DHX57: variants seen among roughly 807,000 people sequenced by gnomAD.
DHX57 encodes the protein DExH-box helicase 57.
Under a neutral mutation model 156.2 loss-of-function variants are expected in DHX57, and 105 were observed. The ratio of observed to expected loss-of-function variants is 0.67; its 90% CI spans 0.57 to 0.79. DHX57 has a LOEUF of 0.79. Among genes scored for constraint, DHX57 ranks in the 30% least tolerant of loss-of-function variants. The probability of loss-of-function intolerance (pLI) is 0.00; values close to 1 mark genes in which losing one functional copy is unlikely to be tolerated. For missense variants in DHX57, 1,847 were observed against 1,661.9 expected, an observed-to-expected ratio of 1.11 and a Z score of -1.94; for synonymous variants, 704 against 595.6, an observed-to-expected ratio of 1.18 and a Z score of -2.65.
intron 5 of DHX57, among the ~76,000 whole-genome samples, chr2:38,859,420 T>A (rs900844504): frequency 3.9e-5 from 6 of 151,964 alleles, no homozygotes; most frequent in Admixed American, 2.6e-4. Flanking sequence ...GGGTACAGGG[T>A]TTCTTTTGGG....
intron 1 of DHX57, 122 bp downstream of exon 1, chr2:38,875,665 G>A (rs1392780983): frequency 3.4e-5 from 6 of 176,558 alleles, no homozygotes; most frequent in Non-Finnish European, 7.1e-5. Context: ...ACACTGGGCC[G>A]CGATGCTCGT....
At chr2:38,820,252 T>C (rs999047252) in intron 17 of DHX57, among the ~76,000 whole-genome samples, 2 of 152,164 alleles carry the variant, frequency 1.3e-5, no homozygotes, top group Non-Finnish European at 2.9e-5. Flanking sequence ...ATTAATATTA[T>C]GTTTACAGAG....
At chr2:38,827,533 T>TATAC (rs1222862055) in intron 14 of DHX57, among the ~76,000 whole-genome samples, 3 of 48,264 alleles carry the variant, frequency 6.2e-5, no homozygotes, top group Admixed American at 4.7e-4. Flanking sequence ...TATATATATA[T>TATAC]ACACACATAC....
At chr2:38,828,246 A>C in intron 14 of DHX57, 94 bp downstream of exon 14, 1 of 867,516 alleles carries the variant, frequency 1.2e-6, no homozygotes, top group East Asian at 2.9e-5. Flanking sequence ...TGTATGCTCG[A>C]AGACTGGTGC....
Position 38,862,138 on chromosome 2 carries a change from C to A in DHX57, c.572+7G>T, listed in dbSNP as rs1391557819. 2 of 1,586,454 alleles carry A rather than the reference C, an allele frequency of 1.3e-6. No individual in the cohort carries two copies. Among genetic ancestry groups the A allele is most frequent in the African/African-American group, 2.7e-5 (2 of 74,024 alleles). ...TCCCAACTCCCATAAATGATCAAAG[C>A]AATCACCTGGAAAGTTTTTGCACTG... On this transcript the variant is annotated splice_region_variant and intron_variant, in intron 4 of 23. Transcript: ENST00000457308.
chr2:38,809,290 A>G (rs111912417), intron 21 of DHX57, among the ~76,000 whole-genome samples: 8,340 of 148,506 alleles, frequency 0.056, 318 homozygotes, highest in Non-Finnish European at 0.083. Context: ...TGGCTAATTA[A>G]AAACAAATTT....
chr2:38,863,247 T>C lies in DHX57; in HGVS notation c.383+114A>G, dbSNP rs143868434. The C allele has an allele frequency of 4.1e-5, 46 of 1,132,062 alleles. 1 individual carries two copies. In the African/African-American group the frequency reaches 5.5e-4, roughly 13 times the overall value. 70.1% of individuals were successfully genotyped at this position (1,132,062 alleles called of 1,614,324 possible). On this transcript the variant is annotated intron_variant, in intron 3 of 23. Transcript: ENST00000457308. ...TTACTCTTGGCTCACTTTCAACTAA[T>C]TAAATGGCCACAATAGAATCAGTAC...
chr2:38,802,648 C>T (rs1669740800), intron 23 of DHX57, 67 bp downstream of exon 23: 2 of 1,589,032 alleles, frequency 1.3e-6, no homozygotes, highest in South Asian at 2.2e-5. Context: ...CCCTTGACTT[C>T]ATAACTTCAT....
chr2:38,853,227 T>G (rs1248340933), intron 9 of DHX57: 1 of 147,788 alleles, frequency 6.8e-6, no homozygotes, highest in Admixed American at 6.8e-5. Context: ...CTGGCTAATT[T>G]TTTTTTTTTT....
rs1302232095 is a variant in DHX57 at position 38,862,236 on chromosome 2, A to C, written c.481T>G (p.Leu161Val). ...AAGCCAGCATATTCCAAAGGATCCA[A>C]GTCGGGAACGAGGGAAGGTTCCTGT... is the stretch of plus-strand genomic sequence containing the variant. ...AGQEPSLVPD[L>V]DPLEYAGLAS... The change falls in exon 4 of 24, where the codon TTG (leucine) becomes GTG (valine). Residue 161 changes from leucine to valine, a missense_variant. Transcript: ENST00000457308. 5.6e-6 allele frequency: 9 copies of C among 1,613,982 alleles called. No individual in the cohort carries two copies. Among genetic ancestry groups the C allele is most frequent in the Non-Finnish European group, 7.6e-6 (9 of 1,179,970 alleles).
At chr2:38,834,585 C>T (rs972677584) in intron 13 of DHX57, among the ~76,000 whole-genome samples, 6 of 152,066 alleles carry the variant, frequency 3.9e-5, no homozygotes, top group Non-Finnish European at 7.4e-5. Context: ...GGTTCTTGTG[C>T]ATTTTTCATT....
chr2:38,843,487 G>C (rs2124879174), intron 11 of DHX57, among the ~76,000 whole-genome samples: 1 of 152,274 alleles, frequency 6.6e-6, no homozygotes, highest in East Asian at 1.9e-4. Flanking sequence ...TTGAGTTATA[G>C]CCTTAGTAAC....
chr2:38,828,391 A>G lies in DHX57; in HGVS notation c.2588T>C (p.Leu863Pro), dbSNP rs1671213723. Residue 863 changes from leucine (L) to proline (P), a missense_variant, in exon 14 of 24, where the codon CTT (leucine) becomes CCT (proline). Coordinates refer to ENST00000457308, the MANE Select transcript of DHX57 (RefSeq NM_198963.3). ...AGAATTAGACTGTAGCTGTTCATAAAGCATTTTGATTTCTGCTAGTCCTGG... is the reference window on the plus strand; with the variant it reads ...AGAATTAGACTGTAGCTGTTCATAAGGCATTTTGATTTCTGCTAGTCCTGG... ...FLPGLAEIKM[L>P]YEQLQSNSLF... 1 of 1,613,764 alleles carries G rather than the reference A, an allele frequency of 6.2e-7. No homozygotes were observed. Among genetic ancestry groups the G allele is most frequent in the East Asian group, 2.2e-5 (1 of 44,844 alleles).
At chr2:38,875,534 C>G (rs924872802) in intron 1 of DHX57, among the ~76,000 whole-genome samples, 1 of 152,228 alleles carries the variant, frequency 6.6e-6, no homozygotes, top group Admixed American at 6.5e-5. Flanking sequence ...CCCGCCCCCC[C>G]CGGCCCCAAC....
chr2:38,832,580 C>T (rs976255102), intron 13 of DHX57, among the ~76,000 whole-genome samples: 1 of 149,596 alleles, frequency 6.7e-6, no homozygotes, highest in Non-Finnish European at 1.5e-5. Flanking sequence ...GAGTCTTGCT[C>T]TGTTACCCAG....
chr2:38,817,269 G>A (rs565547548), intron 19 of DHX57, among the ~76,000 whole-genome samples: 51 of 152,052 alleles, frequency 3.4e-4, no homozygotes, highest in African/African-American at 2.4e-4. Context: ...GCAAAGATGC[G>A]TGCCATCATT....
chr2:38,840,463 C>T (rs952574980), intron 12 of DHX57, among the ~76,000 whole-genome samples: 2 of 151,788 alleles, frequency 1.3e-5, no homozygotes, highest in Admixed American at 1.3e-4. Flanking sequence ...TCACTGTAGC[C>T]TCCGCCTCCT....
chr2:38,850,711 C>A (rs1672541873), intron 9 of DHX57, among the ~76,000 whole-genome samples: 1 of 152,166 alleles, frequency 6.6e-6, no homozygotes, highest in Non-Finnish European at 1.5e-5. Flanking sequence ...AGTCCAACAA[C>A]AACAGGCAAA....
chr2:38,814,101 T>A (rs1558359740), intron 20 of DHX57, among the ~76,000 whole-genome samples: 1 of 151,906 alleles, frequency 6.6e-6, no homozygotes, highest in Admixed American at 6.6e-5. Flanking sequence ...CTATGCCCGG[T>A]TAATTTTTGT....
Sources: gnomAD v4.1 joint callset for allele counts (sites outside exome capture counted in the v4.1 genomes callset) on GRCh38, gnomAD v4.1.1 for gene constraint, MANE v1.5 for transcripts, NCBI Gene and HGNC (gene_info 2026-07-23, HGNC 2026-07-21) for gene names.